The following RIMS2 variants were observed in gnomAD, a reference collection of about 807,000 sequenced individuals.
The protein encoded by RIMS2 is regulating synaptic membrane exocytosis protein 2.
RIMS2 carries 59 observed loss-of-function variants against 174.4 expected under a neutral mutation model. That is an observed-to-expected ratio of 0.34 (90% CI 0.27 to 0.42). RIMS2 has a LOEUF of 0.42. Among genes scored for constraint, RIMS2 ranks in the 10% least tolerant of loss-of-function variants. RIMS2 has a pLI of 1.00. For synonymous variants in RIMS2, 606 were observed against 572.5 expected (o/e 1.06, Z -0.84); for missense variants, 1,620 against 1,666.3 (o/e 0.97, Z 0.48).
chr8:104,234,217 A>C (rs2099246924), intron 19 of RIMS2, among the ~76,000 whole-genome samples: 1 of 152,118 alleles, frequency 6.6e-6, no homozygotes, highest in Non-Finnish European at 1.5e-5. Context: ...ACCTGCCCAA[A>C]ATTTGCAAAT....
rs1427206975 is a variant in RIMS2 at position 103,931,217 on chromosome 8, G to T, written c.2245-46G>T. 6.5e-6 allele frequency: 9 copies of T among 1,393,788 alleles called. No individual in the cohort carries two copies. In the African/African-American group the frequency reaches 1.3e-4, roughly 20 times the overall value. 86.3% of individuals were successfully genotyped at this position (1,393,788 alleles called of 1,614,324 possible). On this transcript the variant is annotated intron_variant, in intron 11 of 23. Coordinates refer to ENST00000504942, the Ensembl canonical transcript of RIMS2. ...GATTGGAAAAGTAAACATTGTGTTT[G>T]TGTAGTAAATGTTTGAATTGATAAA...
intron 4 of RIMS2, among the ~76,000 whole-genome samples, chr8:103,908,937 A>G (rs1224870847): frequency 6.6e-6 from 1 of 152,182 alleles, no homozygotes; most frequent in Non-Finnish European, 1.5e-5. Flanking sequence ...GTGCTGCCTT[A>G]CCAGTTTCAT....
intron 17 of RIMS2, among the ~76,000 whole-genome samples, chr8:104,011,308 C>T (rs1242698338): frequency 2.0e-5 from 3 of 151,968 alleles, no homozygotes; most frequent in Non-Finnish European, 4.4e-5. Flanking sequence ...TACTGTGGTT[C>T]TTTTCATTTT....
At chr8:103,740,375 G>C (rs2097748295) in intron 2 of RIMS2, among the ~76,000 whole-genome samples, 1 of 152,200 alleles carries the variant, frequency 6.6e-6, no homozygotes, top group South Asian at 2.1e-4. Context: ...TCAGATGGTA[G>C]AGAAGGGAAG....
rs573226270 is a variant in RIMS2 at position 104,241,799 on chromosome 8, A to C, written c.3335-3117A>C. ...TTTTGAGACACAGTCTTGCTCTGTCACCCAGGCTGGAGTGCAATGGTGCAA... is the reference window on the plus strand; with the variant it reads ...TTTTGAGACACAGTCTTGCTCTGTCCCCCAGGCTGGAGTGCAATGGTGCAA... On this transcript the variant is annotated intron_variant, in intron 19 of 23. Transcript: ENST00000504942. Among the ~76,000 whole-genome samples the C allele has an allele frequency of 3.3e-5, 5 of 152,112 alleles. No homozygotes were observed. The South Asian group carries it at 1.0e-3, about 32-fold the overall frequency.
At chr8:104,125,830 G>A (rs1198322266) in intron 19 of RIMS2, among the ~76,000 whole-genome samples, 1 of 152,114 alleles carries the variant, frequency 6.6e-6, no homozygotes, top group African/African-American at 2.4e-5. Context: ...CTCAAAAACT[G>A]CAAGCTAAAT....
chr8:103,834,611 T>C (rs1319044713), intron 3 of RIMS2, among the ~76,000 whole-genome samples: 2 of 151,928 alleles, frequency 1.3e-5, no homozygotes, highest in Non-Finnish European at 2.9e-5. Flanking sequence ...TCTCCCTCAC[T>C]TTCCAGTCTG....
At chr8:104,141,927 A>G (rs549635762) in intron 19 of RIMS2, among the ~76,000 whole-genome samples, 1 of 152,254 alleles carries the variant, frequency 6.6e-6, no homozygotes, top group East Asian at 1.9e-4. Context: ...CAGATCACAT[A>G]TCACTATCTA....
chr8:103,930,811 C>G (rs1387637130), intron 11 of RIMS2, among the ~76,000 whole-genome samples: 1 of 151,938 alleles, frequency 6.6e-6, no homozygotes, highest in African/African-American at 2.4e-5. Context: ...AACTGTGAAA[C>G]AACATAAAAC....
chr8:103,712,167 C>CTTT (rs760792486), intron 2 of RIMS2, among the ~76,000 whole-genome samples: 2 of 127,304 alleles, frequency 1.6e-5, no homozygotes, highest in African/African-American at 3.0e-5. Flanking sequence ...AATTTTTAAA[C>CTTT]TTTTTTTTTT....
chr8:103,870,248 A>G (rs1233476368), intron 3 of RIMS2, among the ~76,000 whole-genome samples: 1 of 151,598 alleles, frequency 6.6e-6, no homozygotes, highest in Non-Finnish European at 1.5e-5. Context: ...AAAAATGGGG[A>G]TGATAATAAT....
At chr8:103,859,346 T>C (rs569028241) in intron 3 of RIMS2, among the ~76,000 whole-genome samples, 18 of 152,252 alleles carry the variant, frequency 1.2e-4, no homozygotes, top group Admixed American at 7.2e-4. Context: ...AGAAGCTTTC[T>C]TCTCCCTTTT....
At chr8:103,597,991 A>G (rs1037777993) in intron 1 of RIMS2, among the ~76,000 whole-genome samples, 5 of 152,142 alleles carry the variant, frequency 3.3e-5, no homozygotes, top group Non-Finnish European at 7.4e-5. Context: ...TTATATGTAA[A>G]TGTCTTTCTT....
chr8:104,085,158 A>G (rs2097514105), intron 19 of RIMS2, among the ~76,000 whole-genome samples: 1 of 152,192 alleles, frequency 6.6e-6, no homozygotes, highest in African/African-American at 2.4e-5. Context: ...ATAAACAAGG[A>G]ATTTTACTTC....
At chr8:103,501,957 C>G (rs1254529364) in intron 1 of RIMS2, among the ~76,000 whole-genome samples, 1 of 152,192 alleles carries the variant, frequency 6.6e-6, no homozygotes, top group Non-Finnish European at 1.5e-5. Context: ...GACTACTTTT[C>G]TGGTTAGCGT....
intron 3 of RIMS2, among the ~76,000 whole-genome samples, chr8:103,773,022 A>T (rs2098271089): frequency 6.6e-6 from 1 of 152,162 alleles, no homozygotes; most frequent in Non-Finnish European, 1.5e-5. Flanking sequence ...ATATTATTTG[A>T]TCTTGGTTTA....
At chr8:103,585,695 A>C (rs973071161) in intron 1 of RIMS2, among the ~76,000 whole-genome samples, 1 of 151,534 alleles carries the variant, frequency 6.6e-6, no homozygotes, top group Non-Finnish European at 1.5e-5. Context: ...GCATGAACAC[A>C]GTGAGGGGAA....
intron 3 of RIMS2, among the ~76,000 whole-genome samples, chr8:103,777,436 A>G (rs181597558): frequency 8.5e-4 from 130 of 152,136 alleles, no homozygotes; most frequent in African/African-American, 3.1e-3. Flanking sequence ...GATCATCAAT[A>G]GAAATTTCTG....
intron 19 of RIMS2, among the ~76,000 whole-genome samples, chr8:104,097,789 T>C (rs1442766075): frequency 6.6e-6 from 1 of 152,212 alleles, no homozygotes; most frequent in African/African-American, 2.4e-5. Flanking sequence ...ATATCTTTTA[T>C]TTGAAATCTA....
Sources: allele counts gnomAD v4.1 joint callset (sites outside exome capture counted in the v4.1 genomes callset), GRCh38; gene constraint gnomAD v4.1.1; transcripts MANE v1.5; gene names NCBI Gene and HGNC (gene_info 2026-07-23, HGNC 2026-07-21).